Variants in OPTC observed in about 807,000 individuals in gnomAD.
OPTC encodes opticin.
OPTC carries 22 observed loss-of-function variants against 25.4 expected under a neutral mutation model. The ratio of observed to expected loss-of-function variants is 0.87; its 90% CI spans 0.62 to 1.24. The LOEUF is 1.24. Among genes scored for constraint, OPTC ranks in the 50% most tolerant of loss-of-function variants. The pLI is 0.00. For synonymous variants in OPTC, 169 were observed against 179.3 expected (o/e 0.94, Z 0.46); for missense variants, 417 against 425.2 (o/e 0.98, Z 0.17).
intron 4 of OPTC, 54 bp downstream of exon 4, chr1:203,498,893 G>A (rs1661322638): frequency 1.3e-6 from 2 of 1,596,170 alleles, no homozygotes; most frequent in Admixed American, 1.7e-5. Context: ...CAGCCACCCT[G>A]CCACTAGGAC....
At chr1:203,507,790 G>A (rs4971241) in intron 7 of OPTC, among the ~76,000 whole-genome samples, 19,264 of 151,120 alleles carry the variant, frequency 0.13, 1,404 homozygotes, top group East Asian at 0.3. Context: ...TAGGGCCAGA[G>A]GAGGCTCGTG....
intron 7 of OPTC, among the ~76,000 whole-genome samples, chr1:203,506,346 T>C (rs1661487279): frequency 6.6e-6 from 1 of 151,980 alleles, no homozygotes. Flanking sequence ...AGACAGGGTT[T>C]CTCCATGTTG....
chr1:203,503,148 A>C, intron 6 of OPTC, 139 bp downstream of exon 6: 1 of 721,470 alleles, frequency 1.4e-6, no homozygotes, highest in Non-Finnish European at 2.5e-6. Flanking sequence ...TATTGGAGAC[A>C]AGGATTGGGA....
chr1:203,501,285 G>A (rs1203090701), intron 5 of OPTC, among the ~76,000 whole-genome samples: 1 of 152,244 alleles, frequency 6.6e-6, no homozygotes, highest in South Asian at 2.1e-4. Flanking sequence ...ATTTTTAGTA[G>A]AGATGGGGTT....
chr1:203,496,026 G>A lies in OPTC; in HGVS notation c.21G>A (p.Leu7=). MRLLAF[L]SLLALVLQET... ...TCCCCATGAGGCTCCTGGCTTTCCTGAGTCTGCTGGCCTTGGTGCTGCAGG... is the reference window on the plus strand; with the variant it reads ...TCCCCATGAGGCTCCTGGCTTTCCTAAGTCTGCTGGCCTTGGTGCTGCAGG... Residue 7 remains leucine, a synonymous_variant, in exon 2 of 8, where the codon CTG becomes CTA. Transcript: ENST00000367222. 6.2e-7 allele frequency: 1 copy of A among 1,613,130 alleles called. No homozygotes were observed. Among genetic ancestry groups the A allele is most frequent in the Non-Finnish European group, 8.5e-7 (1 of 1,179,648 alleles).
Position 203,502,781 on chromosome 1 carries a change from C to G in OPTC, c.733-133C>G, listed in dbSNP as rs938202785. 2.2e-5 allele frequency: 16 copies of G among 742,362 alleles called. No individual in the cohort carries two copies. The African/African-American group carries it at 2.2e-4, about 10-fold the overall frequency. The allele number at this position is 742,362 out of a possible 1,614,324, so 46.0% of individuals were successfully genotyped here. Reference sequence around the variant, plus strand: ...AACCCCTGTGGCACCCAGCACAGAGCTTGGCGCATGGCTGAGGCTAAGTGA... The same window carrying G: ...AACCCCTGTGGCACCCAGCACAGAGGTTGGCGCATGGCTGAGGCTAAGTGA... On this transcript the variant is annotated intron_variant, in intron 5 of 7. Transcript: ENST00000367222.
In OPTC at chr1:203,506,943, C is replaced by A. The variant is rs376699594; in HGVS notation, c.*26-1703C>A. ...GGCCATTGCTGCTCCGGGAGGGGTT[C>A]CCCAAGGGCCGCTGCCTCTGCAGCT... On this transcript the variant is annotated intron_variant, in intron 7 of 7. Transcript: ENST00000367222. 1.1e-3 allele frequency among the ~76,000 whole-genome samples: 167 copies of A among 152,370 alleles called. 1 individual carries two copies. The highest frequency in any genetic ancestry group is 0.01 in the Middle Eastern group (3 of 294).
In OPTC at chr1:203,499,721, A is replaced by G; in HGVS notation, c.602A>G (p.His201Arg). The part of the protein sequence containing the change: ...SIDNDAFRLL[H>R]ALQDLILPEN... The stretch of plus-strand genomic sequence containing the variant: ...GATAATGATGCCTTCCGCCTGCTAC[A>G]TGCCCTCCAGGACCTCATCCTCCCA... Residue 201 changes from histidine (H) to arginine (R), a missense_variant, in exon 5 of 8, where the codon CAT (histidine) becomes CGT (arginine). Transcript: ENST00000367222. 1.2e-6 allele frequency: 2 copies of G among 1,613,474 alleles called. No individual in the cohort carries two copies. Among genetic ancestry groups the G allele is most frequent in the Non-Finnish European group, 1.7e-6 (2 of 1,179,926 alleles).
At position 203,503,498 on chromosome 1, in the gene OPTC, C is replaced by T; in HGVS notation, c.829-52C>T. The T allele has an allele frequency of 5.1e-6, 8 of 1,579,758 alleles. No homozygotes were observed. In the South Asian group the frequency reaches 8.8e-5, roughly 17 times the overall value. ...CAGCTGATGTGAGCCTTTGGTGCTG[C>T]TTAAGGGGCAGAGCCTCTTGGTGAG... On this transcript the variant is annotated intron_variant, in intron 6 of 7. Transcript: ENST00000367222.
chr1:203,494,843 C>T (rs988318692), intron 1 of OPTC, among the ~76,000 whole-genome samples: 7 of 152,004 alleles, frequency 4.6e-5, no homozygotes, highest in South Asian at 2.1e-4. Flanking sequence ...TATACATATA[C>T]GAACTACATG....
At position 203,497,107 on chromosome 1, in the gene OPTC, C is replaced by T. The variant is rs778306661; in HGVS notation, c.362C>T (p.Pro121Leu). 4 of 1,613,984 alleles carry T rather than the reference C, an allele frequency of 2.5e-6. No individual in the cohort carries two copies. Among genetic ancestry groups the T allele is most frequent in the South Asian group, 1.1e-5 (1 of 91,076 alleles). Residue 121 changes from proline (P) to leucine (L), a missense_variant, in exon 3 of 8, where the codon CCC (proline) becomes CTC (leucine). By Grantham distance (98) the Pro-to-Leu change is moderately conservative. Transcript: ENST00000367222. ...TTAGLLLSSQ[P>L]NHGLPTCLVC... ...GCAGGGCTGCTACTGAGTTCCCAGC[C>T]CAACCATGGTAAGTGCACAGTCACA...
In OPTC at chr1:203,496,145, G is replaced by A. The variant is rs142959153; in HGVS notation, c.140G>A (p.Arg47Gln). Reference sequence around the variant, plus strand: ...GATTCCTTTGAAGTTCTGCCTCTGCGGAATGATGTCCTGAACCCAGACAAC... The same window carrying A: ...GATTCCTTTGAAGTTCTGCCTCTGCAGAATGATGTCCTGAACCCAGACAAC... ...EGDSFEVLPLRNDVLNPDNYG... is the reference protein window; with the variant it reads ...EGDSFEVLPLQNDVLNPDNYG... The change falls in exon 2 of 8, where the codon CGG becomes CAG. Residue 47 changes from arginine (R) to glutamine (Q), a missense_variant. Coordinates refer to ENST00000367222, the MANE Select transcript of OPTC (RefSeq NM_014359.4). The A allele has an allele frequency of 5.1e-5, 82 of 1,613,986 alleles. No homozygotes were observed. The African/African-American group carries it at 8.8e-4, about 17-fold the overall frequency.
At chr1:203,499,552 G>T in intron 4 of OPTC, 97 bp from the exon 5 acceptor site, 1 of 990,102 alleles carries the variant, frequency 1.0e-6, no homozygotes. Context: ...CCCTCATCTT[G>T]AGAGGGATGG....
intron 5 of OPTC, among the ~76,000 whole-genome samples, chr1:203,500,170 T>TACCACTG (rs1661360550): frequency 0.023 from 4 of 172 alleles, no homozygotes; most frequent in African/African-American, 0.05. Context: ...ACCACCCACC[T>TACCACTG]CCACCACCAC....
chr1:203,497,099 T>C lies in OPTC; in HGVS notation c.354T>C (p.Ser118=). 1 of 1,613,894 alleles carries C rather than the reference T, an allele frequency of 6.2e-7. No homozygotes were observed. Among genetic ancestry groups the C allele is most frequent in the Non-Finnish European group, 8.5e-7 (1 of 1,179,992 alleles). Residue 118 remains serine, a synonymous_variant, in exon 3 of 8, where the codon AGT becomes AGC. Transcript: ENST00000367222. ...CTACTACAGCAGGGCTGCTACTGAG[T>C]TCCCAGCCCAACCATGGTAAGTGCA... ...TRPTTAGLLL[S]SQPNHGLPTC... is the part of the protein sequence containing the mutation.
intron 5 of OPTC, 67 bp downstream of exon 5, chr1:203,499,918 ACCACCTACCTCCACCACTCACCT>A: frequency 1.5e-6 from 2 of 1,311,222 alleles, no homozygotes; most frequent in East Asian, 2.3e-5. Flanking sequence ...ACCCACCTCC[ACCACCTACCTCCACCACTCACCT>A]CCACCACCAC....
intron 7 of OPTC, 146 bp downstream of exon 7, chr1:203,503,891 C>A (rs1220864249): frequency 4.1e-6 from 3 of 725,228 alleles, no homozygotes; most frequent in Non-Finnish European, 7.2e-6. Context: ...CATGCATACA[C>A]ACACACACTC....
intron 1 of OPTC, among the ~76,000 whole-genome samples, chr1:203,494,613 C>T (rs1661248950): frequency 6.6e-6 from 1 of 151,892 alleles, no homozygotes; most frequent in Non-Finnish European, 1.5e-5. Flanking sequence ...CATGCCATAA[C>T]ACTCCAGGCT....
chr1:203,501,771 TGTG>T (rs577005712), intron 5 of OPTC, among the ~76,000 whole-genome samples: 18 of 152,226 alleles, frequency 1.2e-4, no homozygotes, highest in African/African-American at 4.3e-4. Flanking sequence ...CTACCACTGT[TGTG>T]GTGGAAGAGC....
Sources: allele counts gnomAD v4.1 joint callset (sites outside exome capture counted in the v4.1 genomes callset), GRCh38; gene constraint gnomAD v4.1.1; transcripts MANE v1.5; gene names NCBI Gene and HGNC (gene_info 2026-07-23, HGNC 2026-07-21).